Variants in MPST observed in about 807,000 individuals in gnomAD.
MPST encodes 3-mercaptopyruvate sulfurtransferase.
MPST carries 27 observed loss-of-function variants against 28.5 expected under a neutral mutation model. That is an observed-to-expected ratio of 0.95 (90% CI 0.70 to 1.31). The LOEUF (loss-of-function observed/expected upper bound fraction) is 1.31. Ranked by LOEUF, MPST falls within the 50% of genes most tolerant of loss-of-function variation. The pLI is 0.00. For missense variants in MPST, 492 were observed against 471.1 expected, an observed-to-expected ratio of 1.04 and a Z score of -0.41; for synonymous variants, 204 against 209.3, an observed-to-expected ratio of 0.97 and a Z score of 0.22.
In MPST at chr22:37,024,322, G is replaced by A. The variant is rs1210766424; in HGVS notation, c.167G>A (p.Trp56Ter). Residue 56 changes from tryptophan to a stop codon, truncating the protein, a stop_gained, in exon 2 of 3, where the codon TGG becomes TAG. Coordinates refer to ENST00000429360, the MANE Select transcript of MPST (RefSeq NM_021126.8). LOFTEE classifies it high-confidence loss of function. ...GQPLQLLDAS[W>*]YLPKLGRDAR... ...CCTCTGCAGCTGCTGGACGCCTCCT[G>A]GTACCTGCCGAAGCTGGGGCGCGAC... is the stretch of plus-strand genomic sequence containing the variant. The A allele has an allele frequency of 6.5e-7, 1 of 1,535,798 alleles. No individual in the cohort carries two copies. Among genetic ancestry groups the A allele is most frequent in the East Asian group, 2.5e-5 (1 of 40,258 alleles).
Position 37,024,645 on chromosome 22 carries a change from TC to T in MPST, c.492del (p.Gly165AlafsTer65). ...HWLRQNLPLS[S>X]GKSQPAPAEF... is the part of the protein sequence containing the mutation. ...GCTGCGCCAGAACCTCCCGCTCAGC[TC>T]CGGCAAGAGCCAACCTGCTCCCGCC... On this transcript the variant is annotated frameshift_variant, in exon 2 of 3. Coordinates refer to ENST00000429360, the MANE Select transcript of MPST (RefSeq NM_021126.8). LOFTEE classifies it high-confidence loss of function. The T allele has an allele frequency of 6.3e-7, 1 of 1,593,258 alleles. No individual in the cohort carries two copies. The highest frequency in any genetic ancestry group is 8.5e-7 in the Non-Finnish European group (1 of 1,174,630).
intron 1 of MPST, 91 bp downstream of exon 1, chr22:37,019,963 G>T (rs1922938524): frequency 6.8e-6 from 4 of 591,558 alleles, no homozygotes; most frequent in Non-Finnish European, 1.0e-5. Flanking sequence ...CGCGGGACCT[G>T]GGCGGAAGAG....
intron 1 of MPST, 149 bp from the exon 2 acceptor site, chr22:37,024,043 G>A: frequency 1.6e-6 from 2 of 1,265,734 alleles, no homozygotes; most frequent in Non-Finnish European, 2.1e-6. Context: ...TTGTGCCCGG[G>A]TTCACCACCA....
chr22:37,025,003 G>A, intron 2 of MPST, 193 bp downstream of exon 2: 1 of 1,486,652 alleles, frequency 6.7e-7, no homozygotes, highest in Non-Finnish European at 9.1e-7. Context: ...TTTTCACAGG[G>A]TCTGGCTCTA....
intron 2 of MPST, chr22:37,026,196 G>C (rs764617702): frequency 1.3e-5 from 2 of 152,102 alleles, no homozygotes; most frequent in Non-Finnish European, 2.9e-5. Context: ...GCCAGACTGG[G>C]GTTCAGATCC....
Position 37,029,641 on chromosome 22 carries a change from T to C in MPST, c.*127T>C. 1.0e-6 allele frequency: 1 copy of C among 993,704 alleles called. No individual in the cohort carries two copies. The highest frequency in any genetic ancestry group is 1.5e-6 in the Non-Finnish European group (1 of 688,122). 61.6% of individuals were successfully genotyped at this position (993,704 alleles called of 1,614,324 possible). On this transcript the variant is annotated 3_prime_UTR_variant, in exon 3 of 3. Transcript: ENST00000429360. ...AACTCAGGTGGCATTTGGGGTGACA[T>C]CTCAAAGGCCAGGAATTCCGTTGAC...
At chr22:37,022,371 T>G (rs1316615087) in intron 1 of MPST, among the ~76,000 whole-genome samples, 1 of 152,124 alleles carries the variant, frequency 6.6e-6, no homozygotes, top group African/African-American at 2.4e-5. Context: ...TCAATTTCAC[T>G]CTCTCTTGCC....
rs956341846 is a variant in MPST, at chr22:37,023,955, G to C, written c.37-237G>C. ...GAGGGGCGTGGCCTGGGGCTCTCCG[G>C]GAGGTCATGGTCATTGGGTCACTCG... On this transcript the variant is annotated intron_variant, in intron 1 of 2. Transcript: ENST00000429360. 6 of 1,519,616 alleles carry C rather than the reference G, an allele frequency of 3.9e-6. No homozygotes were observed. In the African/African-American group the frequency reaches 8.4e-5, roughly 21 times the overall value. The allele number at this position is 1,519,616 out of a possible 1,614,324, so 94.1% of individuals were successfully genotyped here. A position where few individuals can be genotyped will look rare whatever the true frequency, so the allele number is the denominator to read the frequency against.
In MPST at chr22:37,020,882, C is replaced by T. The variant is rs890745847; in HGVS notation, c.36+1010C>T. 3.9e-5 allele frequency among the ~76,000 whole-genome samples: 6 copies of T among 152,292 alleles called. No homozygotes were observed. In the South Asian group the frequency reaches 8.3e-4, roughly 21 times the overall value. ...CCATGTTGTCCAGGCTGGTCTTGAACTCCTGGGCTCAAGTGATCTGCCCAT... is the reference window on the plus strand; with the variant it reads ...CCATGTTGTCCAGGCTGGTCTTGAATTCCTGGGCTCAAGTGATCTGCCCAT... On this transcript the variant is annotated intron_variant, in intron 1 of 2. Coordinates refer to ENST00000429360, the MANE Select transcript of MPST (RefSeq NM_021126.8).
intron 1 of MPST, 173 bp downstream of exon 1, chr22:37,020,045 G>T: frequency 2.5e-6 from 1 of 401,490 alleles, no homozygotes; most frequent in Non-Finnish European, 4.3e-6. Flanking sequence ...GGGGCGGCCT[G>T]CCGGGTGGGG....
Position 37,024,729 on chromosome 22 carries a change from A to G in MPST, c.574A>G (p.Asn192Asp), listed in dbSNP as rs1799167785. Reference protein sequence around the residue: ...FIKTYEDIKENLESRRFQVVD... With the variant: ...FIKTYEDIKEDLESRRFQVVD... Reference sequence around the variant, plus strand: ...CAAGACCTACGAGGACATCAAGGAGAACCTGGAATCCCGGCGCTTCCAGGT... The same window carrying G: ...CAAGACCTACGAGGACATCAAGGAGGACCTGGAATCCCGGCGCTTCCAGGT... The change falls in exon 2 of 3, where the codon AAC (asparagine) becomes GAC (aspartate). Residue 192 changes from asparagine (N) to aspartate (D), a missense_variant. Asn to Asp is a conservative substitution (Grantham distance 23, BLOSUM62 1). Coordinates refer to ENST00000429360, the MANE Select transcript of MPST (RefSeq NM_021126.8). 1 of 1,600,728 alleles carries G rather than the reference A, an allele frequency of 6.2e-7. No individual in the cohort carries two copies. The highest frequency in any genetic ancestry group is 8.5e-7 in the Non-Finnish European group (1 of 1,179,782).
intron 1 of MPST, among the ~76,000 whole-genome samples, chr22:37,020,497 G>C (rs952069615): frequency 6.6e-6 from 1 of 152,150 alleles, no homozygotes; most frequent in African/African-American, 2.4e-5. Flanking sequence ...ATCATAAGTT[G>C]ATGTAATTCA....
intron 2 of MPST, chr22:37,027,992 T>A (rs1373574412): frequency 6.6e-6 from 1 of 152,236 alleles, no homozygotes; most frequent in Non-Finnish European, 1.5e-5. Flanking sequence ...ATTCTCTTCA[T>A]CTTTACAAAA....
Position 37,024,587 on chromosome 22 carries a change from C to T in MPST, c.432C>T (p.Ala144=), listed in dbSNP as rs368074576. 457 of 1,594,066 alleles carry T rather than the reference C, an allele frequency of 2.9e-4. 1 individual carries two copies. In the Middle Eastern group the frequency reaches 3.8e-3, roughly 13 times the overall value. ...WWMFRAFGHH[A]VSLLDGGLRH... is the part of the protein sequence containing the mutation. The stretch of plus-strand genomic sequence containing the variant: ...TGTTCCGCGCCTTCGGCCACCACGC[C>T]GTGTCACTGCTTGATGGCGGCCTCC... The change falls in exon 2 of 3, where the codon GCC becomes GCT. Residue 144 remains alanine (A), a synonymous_variant. Transcript: ENST00000429360.
intron 1 of MPST, among the ~76,000 whole-genome samples, chr22:37,020,756 T>G (rs1045614359): frequency 6.6e-6 from 1 of 152,128 alleles, no homozygotes; most frequent in African/African-American, 2.4e-5. Context: ...CCTCCCAGGC[T>G]CAAGCGATCC....
chr22:37,023,919 C>A, intron 1 of MPST: 1 of 1,518,044 alleles, frequency 6.6e-7, no homozygotes, highest in South Asian at 1.2e-5. Context: ...TCCTGCCCAG[C>A]AAGTGGAGGT....
chr22:37,024,112 T>C (rs977814328), intron 1 of MPST, 80 bp from the exon 2 acceptor site: 10 of 1,316,714 alleles, frequency 7.6e-6, no homozygotes, highest in Non-Finnish European at 8.8e-6. Flanking sequence ...CCGCCGGCCC[T>C]CGCCCATGCT....
intron 2 of MPST, 86 bp from the exon 3 acceptor site, chr22:37,029,130 C>A: frequency 1.6e-6 from 2 of 1,234,542 alleles, no homozygotes; most frequent in Non-Finnish European, 2.3e-6. Context: ...GCATGGGATG[C>A]TCTCAATATC....
Position 37,024,363 on chromosome 22 carries a change from G to C in MPST, c.208G>C (p.Glu70Gln), listed in dbSNP as rs571141762. ...KLGRDARREF[E>Q]ERHIPGAAFF... The stretch of plus-strand genomic sequence containing the variant: ...GGGGCGCGACGCGCGACGCGAGTTC[G>C]AGGAGCGCCACATCCCGGGCGCCGC... Residue 70 changes from glutamate to glutamine, a missense_variant, in exon 2 of 3, where the codon GAG (glutamate) becomes CAG (glutamine). Coordinates refer to ENST00000429360, the MANE Select transcript of MPST (RefSeq NM_021126.8). The C allele has an allele frequency of 1.8e-4, 272 of 1,544,558 alleles. 1 individual carries two copies. In the South Asian group the frequency reaches 1.8e-3, roughly 10 times the overall value.
Sources: gnomAD v4.1 joint callset for allele counts (sites outside exome capture counted in the v4.1 genomes callset) on GRCh38, gnomAD v4.1.1 for gene constraint, MANE v1.5 for transcripts, NCBI Gene and HGNC (gene_info 2026-07-23, HGNC 2026-07-21) for gene names.